ZNF831: variants seen among roughly 807,000 people sequenced by gnomAD.
ZNF831 encodes the protein zinc finger protein 831, also known as chromosome 20 open reading frame 174.
In ZNF831, 59 loss-of-function variants were observed where a neutral mutation model predicts 95.8. That is an observed-to-expected ratio of 0.62 (90% CI 0.50 to 0.77). ZNF831 has a LOEUF of 0.77. ZNF831 is among the 30% of genes least tolerant of loss of function. The pLI, the probability that ZNF831 is intolerant of heterozygous loss-of-function variation, is 0.00. For missense variants in ZNF831, 2,205 were observed against 2,164.0 expected (o/e 1.02, Z -0.38); for synonymous variants, 961 against 925.5 (o/e 1.04, Z -0.70).
At chr20:59,150,580 G>C (rs141935226) in intron 2 of ZNF831, among the ~76,000 whole-genome samples, 3 of 152,154 alleles carry the variant, frequency 2.0e-5, no homozygotes, top group Non-Finnish European at 2.9e-5. Context: ...GGGACCCACC[G>C]TATGAGACTC....
chr20:59,206,826 C>A, intron 3 of ZNF831, 79 bp from the exon 4 acceptor site: 1 of 1,528,312 alleles, frequency 6.5e-7, no homozygotes, highest in Non-Finnish European at 8.9e-7. Context: ...CTCCTGGGCA[C>A]CCCACAGTGA....
At chr20:59,180,599 C>T (rs138751475) in intron 1 of ZNF831, among the ~76,000 whole-genome samples, 2,771 of 152,208 alleles carry the variant, frequency 0.018, 43 homozygotes, top group African/African-American at 0.046. Context: ...TGTTCAACTC[C>T]CACTTATGAG....
At position 59,191,478 on chromosome 20, in the gene ZNF831, C is replaced by A. The variant is rs1983518898; in HGVS notation, c.459C>A (p.Cys153Ter). 6.2e-7 allele frequency: 1 copy of A among 1,612,968 alleles called. No individual in the cohort carries two copies. Among genetic ancestry groups the A allele is most frequent in the Non-Finnish European group, 8.5e-7 (1 of 1,180,014 alleles). Residue 153 changes from cysteine (C) to a stop codon, truncating the protein, a stop_gained, in exon 2 of 6, where the codon TGC becomes TGA. Transcript: ENST00000371030. LOFTEE classifies it high-confidence loss of function. ...KYLCPHCGRD[C>*]LKPSVLEKHI... ...TGTGTCCGCACTGTGGTCGCGACTG[C>A]CTGAAGCCCAGTGTTCTAGAGAAGC...
intron 1 of ZNF831, among the ~76,000 whole-genome samples, chr20:59,142,845 G>A (rs963437175): frequency 6.6e-6 from 1 of 152,112 alleles, no homozygotes; most frequent in Non-Finnish European, 1.5e-5. Flanking sequence ...TTTGATTTTT[G>A]TCTTTTTAAC....
At chr20:59,182,159 G>A (rs1424645888) in intron 1 of ZNF831, among the ~76,000 whole-genome samples, 1 of 152,146 alleles carries the variant, frequency 6.6e-6, no homozygotes, top group African/African-American at 2.4e-5. Flanking sequence ...ATGGCTTAGG[G>A]CATGTGTAGA....
At chr20:59,152,886 T>TGGA (rs1042161326) in intron 2 of ZNF831, among the ~76,000 whole-genome samples, 1 of 152,138 alleles carries the variant, frequency 6.6e-6, no homozygotes, top group African/African-American at 2.4e-5. Context: ...CCCTGCTAGG[T>TGGA]GGAGGACATT....
In ZNF831 at chr20:59,222,073, T is replaced by C. The variant is rs138898299; in HGVS notation, c.4027+15017T>C. Among the ~76,000 whole-genome samples, 948 of 152,346 alleles carry C rather than the reference T, an allele frequency of 6.2e-3. 5 individuals carry two copies. Among genetic ancestry groups the C allele is most frequent in the African/African-American group, 0.021 (884 of 41,586 alleles). The stretch of plus-strand genomic sequence containing the variant: ...GCGACGCCCCCTCCCTTAACTGCGC[T>C]GTTTTCTTTCTGCCTCCTCCTGTCT... On this transcript the variant is annotated intron_variant, in intron 4 of 5. Transcript: ENST00000371030.
chr20:59,161,570 T>C (rs1386042267), upstream of ZNF831, among the ~76,000 whole-genome samples: 1 of 152,188 alleles, frequency 6.6e-6, no homozygotes, highest in Non-Finnish European at 1.5e-5. Context: ...TGGGATTACA[T>C]GTTGCTGCAT....
chr20:59,134,937 C>T (rs1472170693), intron 1 of ZNF831, among the ~76,000 whole-genome samples: 1 of 152,104 alleles, frequency 6.6e-6, no homozygotes, highest in Admixed American at 6.5e-5. Context: ...GACAGGTATC[C>T]ACCTCCACTG....
chr20:59,240,751 A>G lies in ZNF831; in HGVS notation c.4028-12227A>G, dbSNP rs550389244. 5.7e-4 allele frequency among the ~76,000 whole-genome samples: 87 copies of G among 152,208 alleles called. 1 individual carries two copies. The highest frequency in any genetic ancestry group is 2.1e-3 in the South Asian group (10 of 4,822). ...CGGGAGGCGGAGCTTGCAGTGAGCCAAGATGGCGCCACTGCACTCCAGCCT... is the reference window on the plus strand; with the variant it reads ...CGGGAGGCGGAGCTTGCAGTGAGCCGAGATGGCGCCACTGCACTCCAGCCT... On this transcript the variant is annotated intron_variant, in intron 4 of 5. Transcript: ENST00000371030.
At chr20:59,252,382 C>G (rs1211576990) in intron 4 of ZNF831, among the ~76,000 whole-genome samples, 1 of 152,108 alleles carries the variant, frequency 6.6e-6, no homozygotes, top group Admixed American at 6.5e-5. Flanking sequence ...ACTGGTATGC[C>G]AGGTCATCAG....
At chr20:59,187,453 G>A (rs957034743) in intron 1 of ZNF831, among the ~76,000 whole-genome samples, 1 of 152,076 alleles carries the variant, frequency 6.6e-6, no homozygotes, top group African/African-American at 2.4e-5. Context: ...ACCTGTCTTG[G>A]ACTTAAACTT....
At chr20:59,224,750 G>A (rs1986324784) in intron 4 of ZNF831, among the ~76,000 whole-genome samples, 2 of 152,214 alleles carry the variant, frequency 1.3e-5, no homozygotes, top group Non-Finnish European at 2.9e-5. Flanking sequence ...ACTTGCTACA[G>A]TGATTCCAAA....
In ZNF831 at chr20:59,217,548, C is replaced by T. The variant is rs1310825935; in HGVS notation, c.4027+10492C>T. Among the ~76,000 whole-genome samples, 1 of 152,192 alleles carries T rather than the reference C, an allele frequency of 6.6e-6. No individual in the cohort carries two copies. Among genetic ancestry groups the T allele is most frequent in the African/African-American group, 2.4e-5 (1 of 41,444 alleles). ...TTTTCAAATTGCTTCCCAGTTTATA[C>T]CCCTACCAGTAGCATATTAAATACC... On this transcript the variant is annotated intron_variant, in intron 4 of 5. Transcript: ENST00000371030. This position sits in a 1 kb window ranked among gnomAD's most constrained non-coding sequence, Gnocchi z 4.4.
intron 1 of ZNF831, among the ~76,000 whole-genome samples, chr20:59,166,444 C>T (rs1452431510): frequency 1.3e-5 from 2 of 152,138 alleles, no homozygotes; most frequent in Non-Finnish European, 2.9e-5. Context: ...GTTTTTTACC[C>T]AGTTTCCTCC....
chr20:59,173,323 T>G (rs1458553474), intron 1 of ZNF831, among the ~76,000 whole-genome samples: 1 of 152,232 alleles, frequency 6.6e-6, no homozygotes, highest in Non-Finnish European at 1.5e-5. Context: ...ATTTTTTTGT[T>G]TGATTTTCAG....
At chr20:59,212,984 G>A (rs562459677) in intron 4 of ZNF831, among the ~76,000 whole-genome samples, 7 of 152,302 alleles carry the variant, frequency 4.6e-5, no homozygotes, top group Admixed American at 1.3e-4. Flanking sequence ...CACACCCATT[G>A]GCAGAATCAG....
At position 59,192,912 on chromosome 20, in the gene ZNF831, CTACCAG is replaced by C. The variant is rs771514169; in HGVS notation, c.1894_1899del (p.Tyr632_Gln633del). 3 of 1,599,406 alleles carry C rather than the reference CTACCAG, an allele frequency of 1.9e-6. No homozygotes were observed. Among genetic ancestry groups the C allele is most frequent in the Non-Finnish European group, 1.7e-6 (2 of 1,173,538 alleles). On this transcript the variant is annotated inframe_deletion, in exon 2 of 6. Transcript: ENST00000371030. The surrounding 1 kb of genome is among the most constrained non-coding windows in gnomAD (Gnocchi z 5.2). ...ACGGGGATGAGACGTTCAAAAGGATCTACCAGAAAATGAAAGCCAGTCCCCATGGAG... is the reference window on the plus strand; with the variant it reads ...ACGGGGATGAGACGTTCAAAAGGATCAAAATGAAAGCCAGTCCCCATGGAG...
chr20:59,141,918 G>A (rs260017), intron 1 of ZNF831, among the ~76,000 whole-genome samples: 30,006 of 152,084 alleles, frequency 0.2, 3,665 homozygotes, highest in African/African-American at 0.36. Context: ...CTGGACCCTC[G>A]TCTCCCAGCA....
Sources: allele counts gnomAD v4.1 joint callset (sites outside exome capture counted in the v4.1 genomes callset), GRCh38; gene constraint gnomAD v4.1.1; non-coding constraint Gnocchi (gnomAD v3.1); transcripts MANE v1.5; gene names NCBI Gene and HGNC (gene_info 2026-07-23, HGNC 2026-07-21).